Variants in TSHR observed in about 807,000 individuals in gnomAD.
TSHR encodes thyrotropin receptor.
TSHR carries 51 observed loss-of-function variants against 64.1 expected under a neutral mutation model. The ratio of observed to expected loss-of-function variants is 0.80; its 90% CI spans 0.64 to 1.01. TSHR has a LOEUF of 1.01. Ranked by LOEUF, TSHR falls within the 50% of genes least tolerant of loss-of-function variation. TSHR has a pLI of 0.00. For missense variants in TSHR, 877 were observed against 942.8 expected (o/e 0.93, Z 0.91); for synonymous variants, 361 against 361.9 (o/e 1.00, Z 0.03).
intron 1 of TSHR, among the ~76,000 whole-genome samples, chr14:81,039,410 T>G (rs1244990064): frequency 6.6e-6 from 1 of 151,908 alleles, no homozygotes; most frequent in Non-Finnish European, 1.5e-5. Flanking sequence ...GTTCAAATCT[T>G]CTCCTCTAAG....
At chr14:81,001,754 G>T in intron 1 of TSHR, 1 of 381,302 alleles carries the variant, frequency 2.6e-6, no homozygotes, top group South Asian at 2.1e-5. Flanking sequence ...TTCTTGATTT[G>T]CCTGATTTTG....
chr14:81,098,592 G>T (rs1226559024), intron 7 of TSHR, among the ~76,000 whole-genome samples: 4 of 152,142 alleles, frequency 2.6e-5, no homozygotes, highest in African/African-American at 9.7e-5. Flanking sequence ...AAGATAGTTT[G>T]TAGGTACTTA....
chr14:80,998,476 C>A (rs956360366), intron 1 of TSHR, among the ~76,000 whole-genome samples: 3 of 151,856 alleles, frequency 2.0e-5, no homozygotes, highest in African/African-American at 7.3e-5. Context: ...TCCATTATGA[C>A]CTCTTATGTA....
At position 81,091,108 on chromosome 14, in the gene TSHR, G is replaced by T; in HGVS notation, c.432G>T (p.Leu144=). 1 of 1,612,174 alleles carries T rather than the reference G, an allele frequency of 6.2e-7. No individual in the cohort carries two copies. The change falls in exon 5 of 10, where the codon CTG becomes CTT. Residue 144 remains leucine, a synonymous_variant. Transcript: ENST00000298171. ...FNTGLKMFPD[L]TKVYSTDIFF... is the part of the protein sequence containing the mutation. ...CTGGACTTAAAATGTTCCCTGACCT[G>T]ACCAAAGTTTATTCCACTGATATAT...
intron 8 of TSHR, among the ~76,000 whole-genome samples, chr14:81,134,447 T>C (rs527247759): frequency 6.6e-6 from 1 of 151,212 alleles, no homozygotes; most frequent in South Asian, 2.1e-4. Flanking sequence ...AATACGCTGT[T>C]TTTAAAAGGA....
chr14:81,134,546 A>AG (rs1891378152), intron 8 of TSHR, among the ~76,000 whole-genome samples: 2 of 152,318 alleles, frequency 1.3e-5, no homozygotes, highest in South Asian at 4.1e-4. Flanking sequence ...ACACCAGTCT[A>AG]GGTACCAAAA....
intron 1 of TSHR, chr14:81,051,831 G>T (rs1885448976): frequency 6.6e-6 from 1 of 152,046 alleles, no homozygotes; most frequent in African/African-American, 2.4e-5. Context: ...CCATTTATAT[G>T]TCTTCTTCTG....
At chr14:81,036,589 A>T (rs1245463761) in intron 1 of TSHR, among the ~76,000 whole-genome samples, 1 of 152,198 alleles carries the variant, frequency 6.6e-6, no homozygotes, top group African/African-American at 2.4e-5. Flanking sequence ...CCATATAAGA[A>T]ATGCTAGAGA....
At chr14:81,018,611 G>C (rs1186620582) in intron 1 of TSHR, among the ~76,000 whole-genome samples, 1 of 152,134 alleles carries the variant, frequency 6.6e-6, no homozygotes, top group African/African-American at 2.4e-5. Context: ...GGGAAGAAAA[G>C]GAAGATGTAA....
At chr14:81,056,948 A>G (rs1371784925) in intron 1 of TSHR, among the ~76,000 whole-genome samples, 6 of 152,366 alleles carry the variant, frequency 3.9e-5, no homozygotes, top group African/African-American at 1.4e-4. Context: ...ACAAGTTAAA[A>G]TTATTTTATT....
At chr14:81,014,427 A>G (rs1890073343) in intron 1 of TSHR, 1 of 152,170 alleles carries the variant, frequency 6.6e-6, no homozygotes, top group African/African-American at 2.4e-5. Context: ...AAAGAAAATG[A>G]ATGAGATAAT....
At chr14:81,009,079 C>G (rs1048499487) in intron 1 of TSHR, among the ~76,000 whole-genome samples, 9 of 152,170 alleles carry the variant, frequency 5.9e-5, no homozygotes, top group Admixed American at 6.5e-5. Flanking sequence ...ATTCTTTACT[C>G]TTCAGCTAAT....
intron 1 of TSHR, among the ~76,000 whole-genome samples, chr14:81,022,433 A>T (rs1357347451): frequency 6.6e-6 from 1 of 152,218 alleles, no homozygotes; most frequent in African/African-American, 2.4e-5. Flanking sequence ...TAACATTTGC[A>T]TCAGCAGACT....
In TSHR at chr14:81,144,251, T is replaced by C; in HGVS notation, c.2193T>C (p.Gly731=). The change falls in exon 10 of 10, where the codon GGT becomes GGC. Residue 731 remains glycine (G), a synonymous_variant. Coordinates refer to ENST00000298171, the MANE Select transcript of TSHR (RefSeq NM_000369.5). ...AGGTTACCCACGAGATGAGGCAGGG[T>C]CTCCACAACATGGAAGATGTCTATG... ...VQKVTHEMRQ[G]LHNMEDVYEL... 6.2e-7 allele frequency: 1 copy of C among 1,613,616 alleles called. No individual in the cohort carries two copies. Among genetic ancestry groups the C allele is most frequent in the Non-Finnish European group, 8.5e-7 (1 of 1,179,802 alleles).
chr14:81,062,616 A>G (rs1886325850), intron 2 of TSHR, among the ~76,000 whole-genome samples: 1 of 152,260 alleles, frequency 6.6e-6, no homozygotes, highest in South Asian at 2.1e-4. Flanking sequence ...ACCTTTCACT[A>G]CTAATACAAA....
intron 2 of TSHR, among the ~76,000 whole-genome samples, chr14:81,062,648 G>A (rs954976809): frequency 4.6e-5 from 7 of 152,084 alleles, no homozygotes; most frequent in Non-Finnish European, 4.4e-5. Context: ...TGTTATAAAC[G>A]TAGCCAGTGG....
At chr14:80,963,374 A>C (rs1480582123) in intron 1 of TSHR, among the ~76,000 whole-genome samples, 1 of 152,190 alleles carries the variant, frequency 6.6e-6, no homozygotes, top group East Asian at 1.9e-4. Context: ...GCCCTATCCA[A>C]ATGGACCCTC....
At chr14:80,967,685 G>A (rs954236623) in intron 1 of TSHR, among the ~76,000 whole-genome samples, 3 of 152,182 alleles carry the variant, frequency 2.0e-5, no homozygotes, top group African/African-American at 7.2e-5. Context: ...CAGGGAATGT[G>A]GTAAGAAATT....
At chr14:80,987,239 C>T (rs1332038615) in intron 1 of TSHR, among the ~76,000 whole-genome samples, 1 of 152,122 alleles carries the variant, frequency 6.6e-6, no homozygotes, top group Non-Finnish European at 1.5e-5. Context: ...TTTTAAAAGC[C>T]AGCCAAAGCA....
Sources: allele counts gnomAD v4.1 joint callset (sites outside exome capture counted in the v4.1 genomes callset), GRCh38; gene constraint gnomAD v4.1.1; transcripts MANE v1.5; gene names NCBI Gene and HGNC (gene_info 2026-07-23, HGNC 2026-07-21).